Variants in ZPBP observed in about 807,000 individuals in gnomAD.
The protein encoded by ZPBP is zona pellucida binding protein, also known as zona pellucida-binding protein 1.
Under a neutral mutation model 44.8 loss-of-function variants are expected in ZPBP, and 26 were observed. The observed-to-expected ratio is 0.58, with a 90% CI of 0.43 to 0.81. The LOEUF is 0.81. ZPBP is among the 30% of genes least tolerant of loss of function. ZPBP has a pLI of 0.00. For missense variants in ZPBP, 409 were observed against 434.0 expected, an observed-to-expected ratio of 0.94 and a Z score of 0.51; for synonymous variants, 174 against 153.2, an observed-to-expected ratio of 1.14 and a Z score of -1.00.
At chr7:49,923,244 C>A (rs1794099244) in intron 1 of ZPBP, among the ~76,000 whole-genome samples, 1 of 151,984 alleles carries the variant, frequency 6.6e-6, no homozygotes, top group African/African-American at 2.4e-5. Context: ...ACAAAGAATT[C>A]CCAAGTAGCA....
chr7:49,956,905 A>G (rs1400713405), intron 7 of ZPBP, among the ~76,000 whole-genome samples: 1 of 152,218 alleles, frequency 6.6e-6, no homozygotes, highest in Non-Finnish European at 1.5e-5. Flanking sequence ...TAACCATAGT[A>G]ATGAAGACAG....
chr7:49,964,361 A>T (rs776863365), intron 7 of ZPBP, among the ~76,000 whole-genome samples: 7 of 152,016 alleles, frequency 4.6e-5, no homozygotes, highest in Non-Finnish European at 1.0e-4. Context: ...GTATTTAATG[A>T]CCATATGATT....
At chr7:50,089,483 C>A (rs1031934728) in intron 2 of ZPBP, 146 bp downstream of exon 2, 2 of 638,910 alleles carry the variant, frequency 3.1e-6, no homozygotes, top group Non-Finnish European at 5.6e-6. Context: ...TAACCATATG[C>A]AAACAACTTT....
intron 2 of ZPBP, among the ~76,000 whole-genome samples, chr7:49,858,411 T>C (rs904069431): frequency 6.6e-6 from 1 of 152,012 alleles, no homozygotes; most frequent in African/African-American, 2.4e-5. Context: ...TGTAGGGACA[T>C]GGATGAAGCT....
intron 2 of ZPBP, among the ~76,000 whole-genome samples, chr7:49,892,547 A>G (rs541849206): frequency 6.6e-6 from 1 of 152,332 alleles, no homozygotes; most frequent in East Asian, 1.9e-4. Flanking sequence ...GCAAAGGCAC[A>G]TGAGGGGGCT....
intron 7 of ZPBP, among the ~76,000 whole-genome samples, chr7:49,957,175 C>A (rs1478950288): frequency 6.6e-6 from 1 of 152,210 alleles, no homozygotes; most frequent in Non-Finnish European, 1.5e-5. Context: ...ATGTCAATAC[C>A]TTGATCCTGG....
intron 7 of ZPBP, among the ~76,000 whole-genome samples, chr7:49,958,754 A>G (rs1212088225): frequency 1.3e-5 from 2 of 152,230 alleles, no homozygotes; most frequent in African/African-American, 4.8e-5. Context: ...ACATAGATCA[A>G]TGGAACAAGC....
At chr7:49,985,902 G>C (rs1024767337) in intron 6 of ZPBP, among the ~76,000 whole-genome samples, 1 of 152,156 alleles carries the variant, frequency 6.6e-6, no homozygotes, top group Non-Finnish European at 1.5e-5. Context: ...GAAGAGACCT[G>C]GCCCCTTCAG....
At chr7:49,854,672 A>C (rs1039414049) in intron 2 of ZPBP, among the ~76,000 whole-genome samples, 1 of 152,046 alleles carries the variant, frequency 6.6e-6, no homozygotes, top group African/African-American at 2.4e-5. Flanking sequence ...TTGCCTGTTC[A>C]CTCTGATGGT....
intron 2 of ZPBP, among the ~76,000 whole-genome samples, chr7:49,879,818 T>C (rs1791594624): frequency 1.3e-5 from 2 of 152,176 alleles, no homozygotes; most frequent in South Asian, 4.1e-4. Flanking sequence ...CAATTGTCAG[T>C]GGATATTTTT....
chr7:50,016,259 A>G (rs1460512723), intron 6 of ZPBP, among the ~76,000 whole-genome samples: 1 of 152,246 alleles, frequency 6.6e-6, no homozygotes, highest in African/African-American at 2.4e-5. Context: ...TGTCCTTTGC[A>G]GCAACATGAA....
At chr7:49,977,558 T>C (rs1307798041) in intron 7 of ZPBP, among the ~76,000 whole-genome samples, 1 of 152,196 alleles carries the variant, frequency 6.6e-6, no homozygotes, top group South Asian at 2.1e-4. Flanking sequence ...ACCTGCAACC[T>C]AATCATTTCT....
At chr7:50,073,230 G>GA (rs1801935177) in intron 3 of ZPBP, among the ~76,000 whole-genome samples, 1 of 151,964 alleles carries the variant, frequency 6.6e-6, no homozygotes, top group Non-Finnish European at 1.5e-5. Context: ...GAATCAAGCA[G>GA]AAATCCTGGA....
intron 4 of ZPBP, among the ~76,000 whole-genome samples, chr7:50,035,902 G>A (rs1204901263): frequency 6.6e-6 from 1 of 151,322 alleles, no homozygotes; most frequent in Non-Finnish European, 1.5e-5. Flanking sequence ...AAACAAGTGG[G>A]GATTATAAAA....
chr7:49,855,691 T>C (rs1326766245), intron 2 of ZPBP, among the ~76,000 whole-genome samples: 2 of 152,146 alleles, frequency 1.3e-5, no homozygotes, highest in South Asian at 2.1e-4. Context: ...AGATGGTGAA[T>C]AGTGTGAATC....
chr7:49,845,946 C>A (rs2128714801), downstream of ZPBP, among the ~76,000 whole-genome samples: 1 of 152,318 alleles, frequency 6.6e-6, no homozygotes, highest in South Asian at 2.1e-4. Flanking sequence ...GTCTTTGACA[C>A]CTGCCCCTGT....
At chr7:49,878,959 A>C (rs181887158) in intron 2 of ZPBP, among the ~76,000 whole-genome samples, 4 of 152,294 alleles carry the variant, frequency 2.6e-5, no homozygotes, top group Admixed American at 2.6e-4. Context: ...AAAGTTTGCC[A>C]AGCCCTGGGT....
intron 2 of ZPBP, among the ~76,000 whole-genome samples, chr7:49,853,418 G>A (rs537828405): frequency 2.7e-4 from 41 of 152,152 alleles, no homozygotes; most frequent in African/African-American, 9.7e-4. Context: ...TATCTGTTCT[G>A]TGCCAGGAGC....
downstream of ZPBP, among the ~76,000 whole-genome samples, chr7:49,932,929 G>A (rs146836845): frequency 4.6e-5 from 7 of 152,232 alleles, no homozygotes; most frequent in East Asian, 1.4e-3. Context: ...CATGCAAGAC[G>A]TGACTTTACT....
Sources: gnomAD v4.1 joint callset for allele counts (sites outside exome capture counted in the v4.1 genomes callset) on GRCh38, gnomAD v4.1.1 for gene constraint, MANE v1.5 for transcripts, NCBI Gene and HGNC (gene_info 2026-07-23, HGNC 2026-07-21) for gene names.